The following LNX1 variants were observed in gnomAD, a reference collection of about 807,000 sequenced individuals.
LNX1 encodes the protein E3 ubiquitin-protein ligase LNX.
In LNX1, 54 loss-of-function variants were observed where a neutral mutation model predicts 68.4. The observed-to-expected ratio is 0.79, with a 90% CI of 0.63 to 0.99. LNX1 has a LOEUF of 0.99. Ranked by LOEUF, LNX1 falls within the 50% of genes least tolerant of loss-of-function variation. The probability of loss-of-function intolerance (pLI) is 0.00; values close to 1 mark genes in which losing one functional copy is unlikely to be tolerated. For synonymous variants in LNX1, 336 were observed against 350.0 expected (o/e 0.96, Z 0.45); for missense variants, 906 against 926.4 (o/e 0.98, Z 0.29).
intron 1 of LNX1, among the ~76,000 whole-genome samples, chr4:53,588,945 C>T (rs1229028933): frequency 6.6e-6 from 1 of 152,152 alleles, no homozygotes; most frequent in African/African-American, 2.4e-5. Context: ...CAATCACATC[C>T]AATGGGTCAT....
intron 4 of LNX1, among the ~76,000 whole-genome samples, chr4:53,503,047 C>T (rs1295468747): frequency 6.6e-6 from 1 of 152,066 alleles, no homozygotes; most frequent in Admixed American, 6.6e-5. Context: ...TCTCCTGCCT[C>T]AGCCTCCCGG....
At chr4:53,520,893 T>C (rs1480957507) in intron 2 of LNX1, among the ~76,000 whole-genome samples, 3 of 151,914 alleles carry the variant, frequency 2.0e-5, no homozygotes, top group African/African-American at 4.8e-5. Context: ...ACCCGGGAGG[T>C]GGAGGCTGCA....
chr4:53,502,750 C>T (rs1725595124), intron 4 of LNX1, among the ~76,000 whole-genome samples: 2 of 152,174 alleles, frequency 1.3e-5, no homozygotes, highest in African/African-American at 4.8e-5. Context: ...CTCTACTAAC[C>T]TTGCTGTTTT....
chr4:53,489,898 A>C (rs1387034563), intron 6 of LNX1, among the ~76,000 whole-genome samples: 3 of 152,210 alleles, frequency 2.0e-5, no homozygotes, highest in Non-Finnish European at 2.9e-5. Flanking sequence ...TCTGTTAAAA[A>C]AAAAATACAG....
chr4:53,508,258 G>C, intron 2 of LNX1, 31 bp from the exon 3 acceptor site: 1 of 1,604,030 alleles, frequency 6.2e-7, no homozygotes. Flanking sequence ...AGGTGAAGAA[G>C]AGCTTTGGCT....
At chr4:53,556,208 C>T (rs1729899632) in intron 2 of LNX1, among the ~76,000 whole-genome samples, 2 of 152,090 alleles carry the variant, frequency 1.3e-5, no homozygotes, top group Admixed American at 6.6e-5. Context: ...AGGAGAAGGA[C>T]ATGTACAGAC....
chr4:53,592,000 G>A (rs1192555925), upstream of LNX1, among the ~76,000 whole-genome samples: 1 of 152,162 alleles, frequency 6.6e-6, no homozygotes, highest in South Asian at 2.1e-4. Flanking sequence ...AATTTAAGTT[G>A]ACATTTCCAA....
At chr4:53,484,556 C>A (rs1317889902) in intron 6 of LNX1, among the ~76,000 whole-genome samples, 1 of 151,582 alleles carries the variant, frequency 6.6e-6, no homozygotes, top group Non-Finnish European at 1.5e-5. Flanking sequence ...AAGCAAGACT[C>A]CATCTCAAAA....
intron 2 of LNX1, among the ~76,000 whole-genome samples, chr4:53,543,282 C>T (rs1413793096): frequency 6.6e-6 from 1 of 152,196 alleles, no homozygotes. Flanking sequence ...TCCTTACCTG[C>T]TTTATTTATT....
chr4:53,530,981 A>G (rs532360921), intron 2 of LNX1, among the ~76,000 whole-genome samples: 109 of 152,282 alleles, frequency 7.2e-4, no homozygotes, highest in South Asian at 6.2e-3. Flanking sequence ...CCTGGCCAAC[A>G]TGGTAAAACC....
intron 1 of LNX1, among the ~76,000 whole-genome samples, chr4:53,627,029 G>T (rs1172554728): frequency 1.3e-5 from 2 of 152,126 alleles, no homozygotes; most frequent in African/African-American, 4.8e-5. Flanking sequence ...ACAGGAGTGG[G>T]GTGTGGGAGC....
intron 2 of LNX1, among the ~76,000 whole-genome samples, chr4:53,537,184 T>C (rs1032783305): frequency 2.6e-5 from 4 of 152,182 alleles, no homozygotes; most frequent in African/African-American, 9.7e-5. Context: ...TATTAATAAA[T>C]AAAAAAGGCA....
At chr4:53,615,219 C>CCATT (rs529113876) in intron 2 of LNX1, among the ~76,000 whole-genome samples, 176 of 152,218 alleles carry the variant, frequency 1.2e-3, no homozygotes, top group African/African-American at 3.8e-3. Context: ...TTGTTGTAAG[C>CCATT]CATTCGCTTT....
chr4:53,567,601 C>A (rs1730791560), intron 2 of LNX1, among the ~76,000 whole-genome samples: 2 of 151,730 alleles, frequency 1.3e-5, no homozygotes, highest in South Asian at 2.1e-4. Context: ...AAAGCAAGAG[C>A]AAACACATTC....
chr4:53,652,027 G>GAGAGAGAGAT (rs1199596940), intron 1 of LNX1: 4 of 61,904 alleles, frequency 6.5e-5, no homozygotes, highest in African/African-American at 2.1e-4. Context: ...GTGTGAGAGA[G>GAGAGAGAGAT]AGAGAGAGAG....
At chr4:53,579,183 G>C (rs1240206177) in intron 1 of LNX1, 2 of 748,300 alleles carry the variant, frequency 2.7e-6, no homozygotes, top group Non-Finnish European at 3.3e-6. Context: ...AGTAGACAGA[G>C]CTGTGATACA....
chr4:53,495,333 C>A (rs1724973223), intron 6 of LNX1, among the ~76,000 whole-genome samples: 1 of 152,102 alleles, frequency 6.6e-6, no homozygotes, highest in Non-Finnish European at 1.5e-5. Context: ...CATACAGGTG[C>A]TTGATGACAT....
At chr4:53,640,690 T>G (rs1734645468) in intron 1 of LNX1, among the ~76,000 whole-genome samples, 2 of 152,314 alleles carry the variant, frequency 1.3e-5, no homozygotes, top group Admixed American at 1.3e-4. Flanking sequence ...CAATTAAGAC[T>G]GTGTTGTTAT....
At chr4:53,587,331 T>C (rs1438960639) in intron 1 of LNX1, among the ~76,000 whole-genome samples, 1 of 152,234 alleles carries the variant, frequency 6.6e-6, no homozygotes, top group African/African-American at 2.4e-5. Context: ...ATGGTTTTCA[T>C]GTCAACCCTA....
Sources: allele counts gnomAD v4.1 joint callset (sites outside exome capture counted in the v4.1 genomes callset), GRCh38; gene constraint gnomAD v4.1.1; transcripts MANE v1.5; gene names NCBI Gene and HGNC (gene_info 2026-07-23, HGNC 2026-07-21).